The following AP3D1 variants were observed in gnomAD, a reference collection of about 807,000 sequenced individuals.
AP3D1 encodes the protein AP-3 complex subunit delta-1.
AP3D1 carries 51 observed loss-of-function variants against 147.6 expected under a neutral mutation model. That is an observed-to-expected ratio of 0.35 (90% CI 0.28 to 0.44). AP3D1 has a LOEUF of 0.44. AP3D1 is among the 20% of genes least tolerant of loss of function. AP3D1 has a pLI of 1.00. For missense variants in AP3D1, 1,421 were observed against 1,624.2 expected, an observed-to-expected ratio of 0.87 and a Z score of 2.15; for synonymous variants, 760 against 663.0, an observed-to-expected ratio of 1.15 and a Z score of -2.25.
chr19:2,130,679 C>T, intron 5 of AP3D1, 142 bp from the exon 6 acceptor site: 1 of 1,330,420 alleles, frequency 7.5e-7, no homozygotes. Context: ...GGCCACAGAC[C>T]AGCATCTTGG....
intron 27 of AP3D1, among the ~76,000 whole-genome samples, 167 bp from the exon 28 acceptor site, chr19:2,110,391 GTCCC>G (rs1428832621): frequency 6.6e-6 from 1 of 152,128 alleles, no homozygotes; most frequent in Non-Finnish European, 1.5e-5. Flanking sequence ...GGCTACTGGT[GTCCC>G]TAATTTGGCC....
chr19:2,132,082 C>T lies in AP3D1; in HGVS notation c.462+389G>A, dbSNP rs544691738. Among the ~76,000 whole-genome samples, 5 of 152,202 alleles carry T rather than the reference C, an allele frequency of 3.3e-5. No individual in the cohort carries two copies. The East Asian group carries it at 7.7e-4, about 24-fold the overall frequency. On this transcript the variant is annotated intron_variant, in intron 5 of 31. Coordinates refer to ENST00000643116, the MANE Select transcript of AP3D1 (RefSeq NM_001261826.3). The stretch of plus-strand genomic sequence containing the variant: ...GGTTTTAGACTGTCACAGCCGGGGG[C>T]GTAGCCTTTGACAAGCAGAGTGGCA...
chr19:2,110,261 G>T (rs1223469207), intron 27 of AP3D1, 37 bp from the exon 28 acceptor site: 1 of 1,583,278 alleles, frequency 6.3e-7, no homozygotes, highest in African/African-American at 1.3e-5. Context: ...CTGAGACGCT[G>T]CGGGGGCTCA....
At chr19:2,164,051 G>T in intron 1 of AP3D1, 1 of 484,848 alleles carries the variant, frequency 2.1e-6, no homozygotes, top group South Asian at 8.6e-5. Context: ...CGGCGGCGGC[G>T]GCCGAGGCCG....
upstream of AP3D1, among the ~76,000 whole-genome samples, chr19:2,155,531 CAAA>C (rs60793261): frequency 5.4e-5 from 3 of 55,266 alleles, no homozygotes; most frequent in African/African-American, 6.9e-5. Flanking sequence ...GACTCTGTCT[CAAA>C]AAAAAAAAAA....
At chr19:2,140,601 A>T (rs2019194503) in intron 1 of AP3D1, among the ~76,000 whole-genome samples, 1 of 151,410 alleles carries the variant, frequency 6.6e-6, no homozygotes. Flanking sequence ...TAGCCTCCCA[A>T]AGCACTGGGA....
At chr19:2,137,917 T>C (rs1036999025) in intron 2 of AP3D1, 110 bp from the exon 3 acceptor site, 20 of 952,492 alleles carry the variant, frequency 2.1e-5, no homozygotes, top group African/African-American at 6.5e-5. Flanking sequence ...AACAGACTCA[T>C]TCACTGTCAG....
chr19:2,120,546 C>T (rs959270820), intron 14 of AP3D1, among the ~76,000 whole-genome samples: 7 of 152,338 alleles, frequency 4.6e-5, no homozygotes, highest in African/African-American at 1.2e-4. Context: ...TGCCCAGGGC[C>T]AGCCCCCCGT....
chr19:2,108,166 G>A (rs560060728), intron 31 of AP3D1, among the ~76,000 whole-genome samples: 6 of 152,150 alleles, frequency 3.9e-5, no homozygotes, highest in Non-Finnish European at 8.8e-5. Flanking sequence ...GCCACTGGAT[G>A]ACAAAACCAA....
intron 24 of AP3D1, 136 bp from the exon 25 acceptor site, chr19:2,111,964 C>T (rs996307463): frequency 2.6e-5 from 35 of 1,369,626 alleles, no homozygotes; most frequent in South Asian, 7.9e-5. Context: ...GGACCAGCCA[C>T]GCCTCAGGCC....
At chr19:2,149,611 G>A (rs549485301) in intron 1 of AP3D1, among the ~76,000 whole-genome samples, 16 of 151,316 alleles carry the variant, frequency 1.1e-4, no homozygotes, top group Middle Eastern at 3.4e-3. Context: ...TGGGGAAGGC[G>A]CTATCAACTC....
At chr19:2,111,437 T>C in intron 25 of AP3D1, 105 bp from the exon 26 acceptor site, 2 of 1,441,672 alleles carry the variant, frequency 1.4e-6, no homozygotes, top group Non-Finnish European at 1.9e-6. Context: ...ACTCCAAGAA[T>C]GCTTGGGGCA....
At chr19:2,102,738 A>C (rs1385997880) in intron 31 of AP3D1, among the ~76,000 whole-genome samples, 31 of 85,352 alleles carry the variant, frequency 3.6e-4, no homozygotes, top group African/African-American at 1.0e-3. Context: ...AAAATAAATA[A>C]ATAAATAAAT....
intron 8 of AP3D1, among the ~76,000 whole-genome samples, chr19:2,127,782 C>T (rs1045912477): frequency 2.0e-5 from 3 of 152,252 alleles, no homozygotes; most frequent in Admixed American, 6.5e-5. Flanking sequence ...TCGCCTTGGC[C>T]TCCCAAAGCG....
chr19:2,127,508 C>T (rs567702808), intron 8 of AP3D1, among the ~76,000 whole-genome samples: 10 of 152,170 alleles, frequency 6.6e-5, no homozygotes, highest in Non-Finnish European at 1.5e-4. Context: ...TGCATCTTTT[C>T]TAGAGTTTTT....
intron 1 of AP3D1, among the ~76,000 whole-genome samples, chr19:2,157,457 AAAAG>A (rs2019656380): frequency 6.7e-6 from 1 of 148,710 alleles, no homozygotes; most frequent in African/African-American, 2.5e-5. Flanking sequence ...AAAAAAAAAA[AAAAG>A]AAAAAAACAA....
chr19:2,109,085 C>A lies in AP3D1; in HGVS notation c.3472+1G>T. 1 of 1,608,264 alleles carries A rather than the reference C, an allele frequency of 6.2e-7. No individual in the cohort carries two copies. Among genetic ancestry groups the A allele is most frequent in the Non-Finnish European group, 8.5e-7 (1 of 1,178,334 alleles). On this transcript the variant is annotated splice_donor_variant, in intron 30 of 31. Transcript: ENST00000643116. LOFTEE classifies it high-confidence loss of function. ...ATCCATCAGCCCCTCACTCTCCTTA[C>A]CGGAAAAATGGTGGTGAAAACAGAT...
At chr19:2,144,598 C>T (rs774059316) in intron 1 of AP3D1, among the ~76,000 whole-genome samples, 4 of 152,208 alleles carry the variant, frequency 2.6e-5, no homozygotes, top group Non-Finnish European at 5.9e-5. Flanking sequence ...TGGGGTGGCA[C>T]GGTCACCATT....
intron 31 of AP3D1, among the ~76,000 whole-genome samples, chr19:2,104,441 T>C (rs113228939): frequency 0.051 from 3,058 of 60,374 alleles, no homozygotes; most frequent in African/African-American, 0.13. Flanking sequence ...AACTCCAAGA[T>C]GCCAACACCC....
Sources: allele counts gnomAD v4.1 joint callset (sites outside exome capture counted in the v4.1 genomes callset), GRCh38; gene constraint gnomAD v4.1.1; transcripts MANE v1.5; gene names NCBI Gene and HGNC (gene_info 2026-07-23, HGNC 2026-07-21).